FHIT: variants seen among roughly 807,000 people sequenced by gnomAD.
FHIT encodes fragile histidine triad diadenosine triphosphatase, also known as bis(5'-adenosyl)-triphosphatase.
In FHIT, 19 loss-of-function variants were observed where a neutral mutation model predicts 17.9. The ratio of observed to expected loss-of-function variants is 1.06; its 90% confidence interval spans 0.74 to 1.56. FHIT has a LOEUF of 1.56. FHIT is among the 40% of genes most tolerant of loss of function. The pLI is 0.00. For missense variants in FHIT, 248 were observed against 189.2 expected, an observed-to-expected ratio of 1.31 and a Z score of -1.82; for synonymous variants, 81 against 69.7, an observed-to-expected ratio of 1.16 and a Z score of -0.81.
intron 4 of FHIT, among the ~76,000 whole-genome samples, chr3:60,630,525 A>C (rs1370086911): frequency 2.6e-5 from 4 of 152,214 alleles, no homozygotes; most frequent in Non-Finnish European, 5.9e-5. Flanking sequence ...TAACACAAAA[A>C]AGGAGTCACT....
intron 5 of FHIT, among the ~76,000 whole-genome samples, chr3:60,160,944 CCAGA>C (rs1402935924): frequency 1.3e-5 from 2 of 151,604 alleles, no homozygotes; most frequent in East Asian, 1.9e-4. Context: ...TAACTTTATC[CCAGA>C]CAAAGCAAAA....
chr3:60,206,921 A>T (rs566354104), intron 5 of FHIT, among the ~76,000 whole-genome samples: 1 of 152,262 alleles, frequency 6.6e-6, no homozygotes, highest in Non-Finnish European at 1.5e-5. Flanking sequence ...GCATTGTTTC[A>T]TGGAAACCCT....
At chr3:59,984,607 C>T (rs899808126) in intron 7 of FHIT, among the ~76,000 whole-genome samples, 3 of 151,976 alleles carry the variant, frequency 2.0e-5, no homozygotes, top group Non-Finnish European at 4.4e-5. Context: ...AATAGAATAA[C>T]CTTAGCACAT....
rs142608721 is a variant in FHIT at position 59,944,560 on chromosome 3, G to A, written c.280-22146C>T. On this transcript the variant is annotated intron_variant, in intron 7 of 9. Coordinates refer to ENST00000492590, the MANE Select transcript of FHIT (RefSeq NM_002012.4). ...TTATTTTAGGTTCAAGAGTTTAAGCGCAAGTTTGTTATATAGGGAAATTGT... is the reference window on the plus strand; with the variant it reads ...TTATTTTAGGTTCAAGAGTTTAAGCACAAGTTTGTTATATAGGGAAATTGT... 2.5e-3 allele frequency among the ~76,000 whole-genome samples: 371 copies of A among 151,416 alleles called. 2 individuals carry two copies. Among genetic ancestry groups the A allele is most frequent in the African/African-American group, 8.4e-3 (347 of 41,300 alleles).
At chr3:60,561,695 G>A (rs1255393470) in intron 4 of FHIT, among the ~76,000 whole-genome samples, 1 of 152,112 alleles carries the variant, frequency 6.6e-6, no homozygotes, top group Non-Finnish European at 1.5e-5. Flanking sequence ...GAGATAGAAG[G>A]ACTGACGGCT....
intron 5 of FHIT, among the ~76,000 whole-genome samples, chr3:60,201,910 A>G (rs760629014): frequency 1.3e-5 from 2 of 152,102 alleles, no homozygotes; most frequent in Admixed American, 6.6e-5. Context: ...TTAGCTCAGC[A>G]TAAGCATTAC....
intron 2 of FHIT, among the ~76,000 whole-genome samples, chr3:61,150,484 T>G (rs1197135674): frequency 6.6e-6 from 1 of 152,134 alleles, no homozygotes. Flanking sequence ...TAACTCATAT[T>G]TTCTGAGGGG....
intron 4 of FHIT, among the ~76,000 whole-genome samples, chr3:60,798,352 C>G (rs1193644321): frequency 6.6e-6 from 1 of 152,118 alleles, no homozygotes; most frequent in Non-Finnish European, 1.5e-5. Flanking sequence ...AAAAAACTCA[C>G]TAAAATGTCA....
chr3:60,385,255 G>C (rs1331990214), intron 5 of FHIT, among the ~76,000 whole-genome samples: 2 of 152,162 alleles, frequency 1.3e-5, no homozygotes, highest in Admixed American at 6.5e-5. Flanking sequence ...AATGGGCTAT[G>C]GTGGAGAAGC....
chr3:60,102,597 T>C (rs1405438373), intron 5 of FHIT, among the ~76,000 whole-genome samples: 1 of 152,022 alleles, frequency 6.6e-6, no homozygotes, highest in African/African-American at 2.4e-5. Context: ...GTTGGCTATT[T>C]TGGAAAATTA....
intron 8 of FHIT, among the ~76,000 whole-genome samples, chr3:59,777,428 A>AGTAAAT (rs1248875574): frequency 1.3e-5 from 2 of 152,142 alleles, no homozygotes; most frequent in Admixed American, 1.3e-4. Flanking sequence ...CAGTCTGTAA[A>AGTAAAT]GTAAATAGCA....
chr3:61,081,820 G>A (rs1184152419), intron 2 of FHIT, among the ~76,000 whole-genome samples: 1 of 152,146 alleles, frequency 6.6e-6, no homozygotes, highest in Non-Finnish European at 1.5e-5. Flanking sequence ...ACATTCTGAG[G>A]CAATGAGAGT....
At chr3:60,716,469 C>A (rs1272775265) in intron 4 of FHIT, among the ~76,000 whole-genome samples, 1 of 152,000 alleles carries the variant, frequency 6.6e-6, no homozygotes, top group Non-Finnish European at 1.5e-5. Context: ...ATGGTATCAT[C>A]AATATCACTG....
Position 60,303,851 on chromosome 3 carries a change from C to G in FHIT, c.103+233009G>C, listed in dbSNP as rs140360668. Among the ~76,000 whole-genome samples the G allele has an allele frequency of 3.2e-3, 491 of 152,302 alleles. 5 individuals carry two copies. The highest frequency in any genetic ancestry group is 4.4e-3 in the Non-Finnish European group (296 of 68,016). On this transcript the variant is annotated intron_variant, in intron 5 of 9. Transcript: ENST00000492590. ...AACCCACTCTGACTTCTACACACAG[C>G]TCTCAGATGAGGGACTGGAGACAGG... is the stretch of plus-strand genomic sequence containing the variant.
chr3:61,225,787 G>T (rs1389929681), intron 1 of FHIT, among the ~76,000 whole-genome samples: 2 of 152,180 alleles, frequency 1.3e-5, no homozygotes, highest in African/African-American at 4.8e-5. Flanking sequence ...GTTGTAGCTT[G>T]TTTTCCATCA....
chr3:60,512,374 C>T (rs1467403916), intron 5 of FHIT, among the ~76,000 whole-genome samples: 2 of 152,190 alleles, frequency 1.3e-5, no homozygotes, highest in Non-Finnish European at 2.9e-5. Context: ...CTGCCCCACT[C>T]CTCACCTGAA....
intron 7 of FHIT, among the ~76,000 whole-genome samples, chr3:59,961,616 G>A (rs530576619): frequency 2.3e-4 from 35 of 152,210 alleles, no homozygotes; most frequent in East Asian, 3.9e-4. Context: ...GGGCTGGAGC[G>A]CACCATTCCT....
chr3:60,087,501 C>T (rs1703546223), intron 5 of FHIT, among the ~76,000 whole-genome samples: 2 of 152,186 alleles, frequency 1.3e-5, no homozygotes, highest in African/African-American at 4.8e-5. Flanking sequence ...TTATAAATTA[C>T]ACCTTTAGAT....
At chr3:59,840,534 T>A (rs1193875859) in intron 8 of FHIT, among the ~76,000 whole-genome samples, 1 of 152,194 alleles carries the variant, frequency 6.6e-6, no homozygotes, top group African/African-American at 2.4e-5. Context: ...TGTAGGAGAT[T>A]TCTTCTCCTT....
Sources: gnomAD v4.1 joint callset for allele counts (sites outside exome capture counted in the v4.1 genomes callset) on GRCh38, gnomAD v4.1.1 for gene constraint, MANE v1.5 for transcripts, NCBI Gene and HGNC (gene_info 2026-07-23, HGNC 2026-07-21) for gene names.